PTCHD4: variants seen among roughly 807,000 people sequenced by gnomAD.
PTCHD4 encodes patched domain containing 4.
Under a neutral mutation model 58.1 loss-of-function variants are expected in PTCHD4, and 33 were observed. That is an observed-to-expected ratio of 0.57 (90% confidence interval 0.43 to 0.76). PTCHD4 has a LOEUF of 0.76. PTCHD4 is among the 30% of genes least tolerant of loss of function. The pLI is 0.00. For missense variants in PTCHD4, 1,058 were observed against 1,027.1 expected, an observed-to-expected ratio of 1.03 and a Z score of -0.41; for synonymous variants, 478 against 409.6, an observed-to-expected ratio of 1.17 and a Z score of -2.02.
At chr6:47,921,180 A>T (rs1354720473) in intron 4 of PTCHD4, among the ~76,000 whole-genome samples, 1 of 152,230 alleles carries the variant, frequency 6.6e-6, no homozygotes, top group Non-Finnish European at 1.5e-5. Flanking sequence ...GATAGTTATT[A>T]TTAACTCTGA....
intron 4 of PTCHD4, among the ~76,000 whole-genome samples, chr6:47,975,120 C>T (rs1046059822): frequency 1.3e-5 from 2 of 152,202 alleles, no homozygotes; most frequent in South Asian, 2.1e-4. Flanking sequence ...CTTATCTCAT[C>T]ATGGCCTTTA....
At chr6:48,009,540 A>G (rs1762594597) in intron 3 of PTCHD4, among the ~76,000 whole-genome samples, 2 of 152,210 alleles carry the variant, frequency 1.3e-5, no homozygotes, top group Non-Finnish European at 2.9e-5. Flanking sequence ...TATCTGTTCT[A>G]TAAATGTACA....
intron 1 of PTCHD4, among the ~76,000 whole-genome samples, chr6:48,089,184 A>G (rs1765318165): frequency 1.3e-5 from 2 of 152,206 alleles, no homozygotes; most frequent in Non-Finnish European, 2.9e-5. Flanking sequence ...CCAAAAGACT[A>G]ATAGCAATTA....
intron 4 of PTCHD4, among the ~76,000 whole-genome samples, chr6:47,988,819 CA>C (rs1768174775): frequency 6.6e-6 from 1 of 152,092 alleles, no homozygotes; most frequent in Admixed American, 6.6e-5. Flanking sequence ...TCTTTATCAG[CA>C]GTGTGAAAAT....
chr6:48,088,604 T>G (rs1765306546), intron 1 of PTCHD4, among the ~76,000 whole-genome samples: 1 of 152,212 alleles, frequency 6.6e-6, no homozygotes, highest in Non-Finnish European at 1.5e-5. Context: ...CAGCTAAGTC[T>G]GACAAATCTT....
intron 3 of PTCHD4, among the ~76,000 whole-genome samples, chr6:48,022,116 A>G (rs1043583860): frequency 6.6e-6 from 1 of 151,972 alleles, no homozygotes; most frequent in Non-Finnish European, 1.5e-5. Context: ...TTAATATCTC[A>G]TTGTCCTACT....
chr6:48,106,612 C>A (rs1372874339), intron 1 of PTCHD4, among the ~76,000 whole-genome samples: 1 of 152,032 alleles, frequency 6.6e-6, no homozygotes, highest in Non-Finnish European at 1.5e-5. Context: ...GGCAATCAGG[C>A]AGGAGAAGGA....
rs1764093084 is a variant in PTCHD4, at chr6:47,883,732, G to A, written c.899-3796C>T. On this transcript the variant is annotated intron_variant, in intron 4 of 4. Coordinates refer to ENST00000339488, the MANE Select transcript of PTCHD4 (RefSeq NM_001384253.1). ...TTGTCGGGGACTGTCATGAACTTTG[G>A]AGGATGTTTAGCACCATTCCACTAC... Among the ~76,000 whole-genome samples the A allele has an allele frequency of 3.3e-5, 5 of 152,096 alleles. No homozygotes were observed. In the South Asian group the frequency reaches 1.0e-3, roughly 32 times the overall value.
In PTCHD4 at chr6:47,870,700, G is replaced by A. The variant is rs963363980; in HGVS notation, c.*7603C>T. 4.0e-5 allele frequency among the ~76,000 whole-genome samples: 6 copies of A among 151,542 alleles called. No individual in the cohort carries two copies. The highest frequency in any genetic ancestry group is 9.7e-5 in the African/African-American group (4 of 41,362). On this transcript the variant is annotated 3_prime_UTR_variant, in exon 5 of 5. Coordinates refer to ENST00000339488, the MANE Select transcript of PTCHD4 (RefSeq NM_001384253.1). ...CTACACAGCAGTCTTCTATTTCACA[G>A]GAGATATTTTTGGATGGAAATACAA...
chr6:47,871,949 G>A lies in PTCHD4; in HGVS notation c.*6354C>T, dbSNP rs1463231602. ...AGCACATTTATGTTTGTGAAGAAAAGATGCCAGAATTCCCTTATTCTACTT... is the reference window on the plus strand; with the variant it reads ...AGCACATTTATGTTTGTGAAGAAAAAATGCCAGAATTCCCTTATTCTACTT... On this transcript the variant is annotated 3_prime_UTR_variant, in exon 5 of 5. Transcript: ENST00000339488. Among the ~76,000 whole-genome samples, 2 of 151,586 alleles carry A rather than the reference G, an allele frequency of 1.3e-5. No individual in the cohort carries two copies. Among genetic ancestry groups the A allele is most frequent in the Non-Finnish European group, 3.0e-5 (2 of 67,718 alleles).
chr6:47,921,700 T>G (rs1377941748), intron 4 of PTCHD4, among the ~76,000 whole-genome samples: 1 of 152,136 alleles, frequency 6.6e-6, no homozygotes, highest in Non-Finnish European at 1.5e-5. Flanking sequence ...CAAGGACATC[T>G]TCTGTAGCTG....
rs556189729 is a variant in PTCHD4, at chr6:47,877,933, T to C, written c.*370A>G. The C allele has an allele frequency of 6.0e-6, 1 of 165,358 alleles. No homozygotes were observed. Among genetic ancestry groups the C allele is most frequent in the Non-Finnish European group, 1.3e-5 (1 of 77,104 alleles). 10.2% of individuals were successfully genotyped at this position (165,358 alleles called of 1,614,324 possible). On this transcript the variant is annotated 3_prime_UTR_variant, in exon 5 of 5. Coordinates refer to ENST00000339488, the MANE Select transcript of PTCHD4 (RefSeq NM_001384253.1). The stretch of plus-strand genomic sequence containing the variant: ...GTGCCATGGCACATTTCCCATGTCT[T>C]TCCCCCTATTTGAAGGACACCTTTC...
intron 4 of PTCHD4, among the ~76,000 whole-genome samples, chr6:47,905,990 A>G (rs1284727817): frequency 6.6e-6 from 1 of 152,234 alleles, no homozygotes; most frequent in Non-Finnish European, 1.5e-5. Context: ...CTGGGGGCCC[A>G]TCAATTTTCC....
At chr6:47,927,212 T>C (rs1216815841) in intron 4 of PTCHD4, among the ~76,000 whole-genome samples, 1 of 151,174 alleles carries the variant, frequency 6.6e-6, no homozygotes, top group Non-Finnish European at 1.5e-5. Context: ...TACCTCATAC[T>C]TGCTCTATTA....
chr6:47,994,495 G>C (rs1328177209), intron 4 of PTCHD4, among the ~76,000 whole-genome samples: 1 of 152,060 alleles, frequency 6.6e-6, no homozygotes, highest in Non-Finnish European at 1.5e-5. Flanking sequence ...TGTAAACAAG[G>C]GTACAGAGAA....
chr6:48,076,323 T>C (rs1441674834), intron 1 of PTCHD4, among the ~76,000 whole-genome samples: 2 of 152,208 alleles, frequency 1.3e-5, no homozygotes, highest in East Asian at 3.9e-4. Context: ...AAGTTATCCA[T>C]AAGGGTTGGA....
At chr6:47,898,720 A>G (rs1764602308) in intron 4 of PTCHD4, among the ~76,000 whole-genome samples, 1 of 152,212 alleles carries the variant, frequency 6.6e-6, no homozygotes, top group African/African-American at 2.4e-5. Flanking sequence ...TTCTATTTAA[A>G]GGCAAAGTCA....
At chr6:47,947,220 C>T (rs1054893785) in intron 4 of PTCHD4, among the ~76,000 whole-genome samples, 2 of 152,072 alleles carry the variant, frequency 1.3e-5, no homozygotes, top group Admixed American at 6.6e-5. Context: ...AATATTTTCA[C>T]CTTTCCCCCA....
chr6:47,929,891 G>A (rs575075242), intron 4 of PTCHD4, among the ~76,000 whole-genome samples: 5 of 152,186 alleles, frequency 3.3e-5, no homozygotes, highest in African/African-American at 4.8e-5. Context: ...ACAGATTGGT[G>A]AATCGGAGAC....
Sources: allele counts gnomAD v4.1 joint callset (sites outside exome capture counted in the v4.1 genomes callset), GRCh38; gene constraint gnomAD v4.1.1; transcripts MANE v1.5; gene names NCBI Gene and HGNC (gene_info 2026-07-23, HGNC 2026-07-21).